E2F6: variants seen among roughly 807,000 people sequenced by gnomAD.
E2F6 encodes the protein transcription factor E2F6.
In E2F6, 19 loss-of-function variants were observed where a neutral mutation model predicts 31.5. The ratio of observed to expected loss-of-function variants is 0.60; its 90% confidence interval spans 0.42 to 0.89. E2F6 has a LOEUF of 0.89. Among genes scored for constraint, E2F6 ranks in the 40% least tolerant of loss-of-function variants. The pLI is 0.00. For missense variants in E2F6, 269 were observed against 341.6 expected, an observed-to-expected ratio of 0.79 and a Z score of 1.67; for synonymous variants, 121 against 127.7, an observed-to-expected ratio of 0.95 and a Z score of 0.36.
chr2:11,456,094 G>A (rs2148349706), intron 2 of E2F6, among the ~76,000 whole-genome samples: 1 of 152,322 alleles, frequency 6.6e-6, no homozygotes, highest in South Asian at 2.1e-4. Flanking sequence ...GCGGCATTAA[G>A]CAAGAAACAG....
intron 5 of E2F6, among the ~76,000 whole-genome samples, chr2:11,449,645 C>T (rs1282750578): frequency 6.6e-6 from 1 of 152,216 alleles, no homozygotes; most frequent in Admixed American, 6.5e-5. Flanking sequence ...TCCCCAGTGC[C>T]TTGGCTGACA....
In E2F6 at chr2:11,445,301, T is replaced by C. The variant is rs922575377; in HGVS notation, c.*1176A>G. On this transcript the variant is annotated 3_prime_UTR_variant, in exon 7 of 7. Transcript: ENST00000381525. Reference sequence around the variant, plus strand: ...TTCACTCACTCCACTCACTTATTTGTTCAGACATTTATTGAGCACTTCTTA... The same window carrying C: ...TTCACTCACTCCACTCACTTATTTGCTCAGACATTTATTGAGCACTTCTTA... The C allele has an allele frequency of 6.6e-6, 1 of 152,636 alleles. No homozygotes were observed. The highest frequency in any genetic ancestry group is 1.5e-5 in the Non-Finnish European group (1 of 68,048). The allele number at this position is 152,636 out of a possible 1,614,324, so 9.5% of individuals were successfully genotyped here. A position where few individuals can be genotyped will look rare whatever the true frequency, so the allele number is the denominator to read the frequency against.
At chr2:11,463,922 C>G (rs1282626892) in intron 1 of E2F6, among the ~76,000 whole-genome samples, 1 of 124,408 alleles carries the variant, frequency 8.0e-6, no homozygotes, top group East Asian at 2.7e-4. Flanking sequence ...GCACTCCAGC[C>G]AGGGTGACAG....
chr2:11,466,130 G>A lies in E2F6; in HGVS notation c.-251C>T, dbSNP rs932991667. 2.1e-5 allele frequency: 10 copies of A among 465,254 alleles called. No homozygotes were observed. The highest frequency in any genetic ancestry group is 1.5e-4 in the African/African-American group (7 of 48,086). The allele number at this position is 465,254 out of a possible 1,614,324, so 28.8% of individuals were successfully genotyped here. The stretch of plus-strand genomic sequence containing the variant: ...GAGACCCGCGGATCTCAAGTCGCCC[G>A]GCCCGCCATCTTCCCGCATGCGCAG... On this transcript the variant is annotated 5_prime_UTR_variant, in exon 1 of 7. Coordinates refer to ENST00000381525, the MANE Select transcript of E2F6 (RefSeq NM_198256.4).
At chr2:11,458,799 C>T (rs1416537235) in intron 1 of E2F6, among the ~76,000 whole-genome samples, 1 of 152,182 alleles carries the variant, frequency 6.6e-6, no homozygotes, top group African/African-American at 2.4e-5. Context: ...CCCATTGAGA[C>T]AGAATCCCAC....
chr2:11,459,883 CAAA>C (rs70953401), intron 1 of E2F6, among the ~76,000 whole-genome samples: 3 of 142,556 alleles, frequency 2.1e-5, no homozygotes, highest in Non-Finnish European at 4.6e-5. Context: ...GACTCCGTCT[CAAA>C]AAAAAAAAAG....
rs993293405 is a variant in E2F6, at chr2:11,466,136, C to T, written c.-257G>A. 1 of 460,012 alleles carries T rather than the reference C, an allele frequency of 2.2e-6. No individual in the cohort carries two copies. Among genetic ancestry groups the T allele is most frequent in the African/African-American group, 2.1e-5 (1 of 48,042 alleles). The allele number at this position is 460,012 out of a possible 1,614,324, so 28.5% of individuals were successfully genotyped here. On this transcript the variant is annotated 5_prime_UTR_variant, in exon 1 of 7. Coordinates refer to ENST00000381525, the MANE Select transcript of E2F6 (RefSeq NM_198256.4). ...CGCGGATCTCAAGTCGCCCGGCCCG[C>T]CATCTTCCCGCATGCGCAGTACACC...
Position 11,449,998 on chromosome 2 carries a change from G to A in E2F6, c.651+14C>T, listed in dbSNP as rs1238563072. 2.5e-6 allele frequency: 4 copies of A among 1,589,632 alleles called. No homozygotes were observed. Among genetic ancestry groups the A allele is most frequent in the Admixed American group, 1.7e-5 (1 of 59,236 alleles). Reference sequence around the variant, plus strand: ...TCCCTCTTTAAATCTTTTTAAAAATGCAGGGTTACCTACTTCTCTGGGAGC... The same window carrying A: ...TCCCTCTTTAAATCTTTTTAAAAATACAGGGTTACCTACTTCTCTGGGAGC... On this transcript the variant is annotated intron_variant, in intron 5 of 6. Coordinates refer to ENST00000381525, the MANE Select transcript of E2F6 (RefSeq NM_198256.4).
chr2:11,457,817 T>C (rs912431772), intron 1 of E2F6, among the ~76,000 whole-genome samples: 15 of 152,346 alleles, frequency 9.8e-5, no homozygotes, highest in African/African-American at 2.6e-4. Flanking sequence ...CAAGCTTTCA[T>C]AGGCAGCTAT....
chr2:11,448,023 A>G (rs1670831257), intron 5 of E2F6, among the ~76,000 whole-genome samples: 1 of 152,116 alleles, frequency 6.6e-6, no homozygotes, highest in African/African-American at 2.4e-5. Context: ...CCCTTCAAGG[A>G]GGCCGTATTT....
chr2:11,463,307 G>T (rs146531931), intron 1 of E2F6, among the ~76,000 whole-genome samples: 1,736 of 152,308 alleles, frequency 0.011, 15 homozygotes, highest in Non-Finnish European at 0.017. Flanking sequence ...CAAGGATGAA[G>T]ACCTTTACGA....
intron 1 of E2F6, among the ~76,000 whole-genome samples, chr2:11,462,652 C>T (rs1265132476): frequency 1.3e-5 from 2 of 152,152 alleles, no homozygotes; most frequent in African/African-American, 2.4e-5. Context: ...ATAAGGGCTA[C>T]TTAACACAAG....
intron 1 of E2F6, among the ~76,000 whole-genome samples, chr2:11,464,329 A>G (rs1377070335): frequency 2.0e-5 from 3 of 151,630 alleles, no homozygotes; most frequent in African/African-American, 7.3e-5. Flanking sequence ...CCTGGCTTAC[A>G]CGGTGAAACC....
At position 11,444,648 on chromosome 2, in the gene E2F6, G is replaced by A. The variant is rs1345443572; in HGVS notation, c.*1829C>T. 1 of 136,544 alleles carries A rather than the reference G, an allele frequency of 7.3e-6. No homozygotes were observed. Among genetic ancestry groups the A allele is most frequent in the Non-Finnish European group, 1.5e-5 (1 of 64,900 alleles). 8.5% of individuals were successfully genotyped at this position (136,544 alleles called of 1,614,324 possible). A position where few individuals can be genotyped will look rare whatever the true frequency, so the allele number is the denominator to read the frequency against. ...TTCTCCTTAAATATAGATGCCCTTAGGCCTGCTGTACTCTTTAGATGACCT... is the reference window on the plus strand; with the variant it reads ...TTCTCCTTAAATATAGATGCCCTTAAGCCTGCTGTACTCTTTAGATGACCT... On this transcript the variant is annotated 3_prime_UTR_variant, in exon 7 of 7. Transcript: ENST00000381525.
chr2:11,463,415 A>G (rs1671910300), intron 1 of E2F6, among the ~76,000 whole-genome samples: 1 of 152,242 alleles, frequency 6.6e-6, no homozygotes, highest in Non-Finnish European at 1.5e-5. Flanking sequence ...GAAAACAGTA[A>G]CTAATACATA....
intron 1 of E2F6, chr2:11,458,139 C>T: frequency 1.3e-6 from 1 of 767,706 alleles, no homozygotes; most frequent in Non-Finnish European, 2.2e-6. Flanking sequence ...TGTTAATGTG[C>T]CTCCAGACAG....
intron 5 of E2F6, among the ~76,000 whole-genome samples, chr2:11,448,926 C>T (rs1670891240): frequency 6.6e-6 from 1 of 152,110 alleles, no homozygotes; most frequent in Admixed American, 6.5e-5. Context: ...AGTTTGCCAC[C>T]CATCACACTA....
At position 11,451,808 on chromosome 2, in the gene E2F6, T is replaced by C; in HGVS notation, c.381-2A>G. The C allele has an allele frequency of 6.2e-7, 1 of 1,605,458 alleles. No individual in the cohort carries two copies. The highest frequency in any genetic ancestry group is 8.5e-7 in the Non-Finnish European group (1 of 1,175,120). On this transcript the variant is annotated splice_acceptor_variant, in intron 3 of 6. Transcript: ENST00000381525. LOFTEE classifies it high-confidence loss of function. ...CCAAAATTGCTAAGATCAGATCCTC[T>C]TTAGAAGAAAAAAAATGTCAGCATC...
At chr2:11,459,140 C>T (rs77480040) in intron 1 of E2F6, among the ~76,000 whole-genome samples, 4,847 of 152,040 alleles carry the variant, frequency 0.032, 249 homozygotes, top group African/African-American at 0.11. Context: ...TTGAAACACA[C>T]ATAAACAAAC....
Sources: gnomAD v4.1 joint callset for allele counts (sites outside exome capture counted in the v4.1 genomes callset) on GRCh38, gnomAD v4.1.1 for gene constraint, MANE v1.5 for transcripts, NCBI Gene and HGNC (gene_info 2026-07-23, HGNC 2026-07-21) for gene names.